Variants in PTPRZ1 observed in about 807,000 individuals in gnomAD.
PTPRZ1 encodes protein tyrosine phosphatase receptor type Z1.
A neutral mutation model predicts 214.1 loss-of-function variants in PTPRZ1; 82 were observed. The ratio of observed to expected loss-of-function variants is 0.38; its 90% CI spans 0.32 to 0.46. The LOEUF (loss-of-function observed/expected upper bound fraction) is 0.46, where lower values mean the gene tolerates loss of function less well. Ranked by LOEUF, PTPRZ1 falls within the 20% of genes least tolerant of loss-of-function variation. The probability of loss-of-function intolerance (pLI) is 1.00; values close to 1 mark genes in which losing one functional copy is unlikely to be tolerated. For synonymous variants in PTPRZ1, 945 were observed against 987.9 expected, an observed-to-expected ratio of 0.96 and a Z score of 0.81; for missense variants, 2,603 against 2,748.7, an observed-to-expected ratio of 0.95 and a Z score of 1.19.
rs779318612 is a variant in PTPRZ1, at chr7:122,013,475, C to T, written c.4429C>T (p.Leu1477=). The T allele has an allele frequency of 1.2e-6, 2 of 1,614,100 alleles. No individual in the cohort carries two copies. The highest frequency in any genetic ancestry group is 1.1e-5 in the South Asian group (1 of 91,080). Residue 1477 remains leucine (L), a synonymous_variant, in exon 12 of 30, where the codon CTA becomes TTA. Coordinates refer to ENST00000393386, the MANE Select transcript of PTPRZ1 (RefSeq NM_002851.3). ...TCAGAATAATCCAATCTCATACTCA[C>T]TATCTGAGAATTCTGAAGAAGATAA... ...MDQNNPISYS[L]SENSEEDNRV...
chr7:121,982,548 C>A (rs1362913503), intron 6 of PTPRZ1, among the ~76,000 whole-genome samples: 1 of 152,078 alleles, frequency 6.6e-6, no homozygotes, highest in Non-Finnish European at 1.5e-5. Flanking sequence ...TTATTTAATT[C>A]TCTCCAGAAT....
Position 122,044,517 on chromosome 7 carries a change from A to C in PTPRZ1, c.6033A>C (p.Ala2011=), listed in dbSNP as rs915349172. Residue 2011 remains alanine, a synonymous_variant, in exon 23 of 30, where the codon GCA becomes GCC. Transcript: ENST00000393386. ...LDSHIHAYVN[A]LLIPGPAGKT... is the part of the protein sequence containing the mutation. ...GTCATATTCATGCCTATGTTAATGC[A>C]CTCCTCATTCCTGGACCAGCAGGCA... 12 of 1,613,842 alleles carry C rather than the reference A, an allele frequency of 7.4e-6. No homozygotes were observed. The highest frequency in any genetic ancestry group is 9.3e-6 in the Non-Finnish European group (11 of 1,179,814).
chr7:122,027,139 A>T (rs942491628), intron 13 of PTPRZ1, among the ~76,000 whole-genome samples: 21 of 152,198 alleles, frequency 1.4e-4, no homozygotes, highest in African/African-American at 4.6e-4. Context: ...ATCAGGGGAA[A>T]ACTCAGAGGG....
At chr7:122,054,683 CAG>C (rs1792296337) in intron 26 of PTPRZ1, among the ~76,000 whole-genome samples, 1 of 152,158 alleles carries the variant, frequency 6.6e-6, no homozygotes, top group African/African-American at 2.4e-5. Context: ...TTGTCAATTA[CAG>C]AAGCAATAAG....
chr7:121,901,471 A>T (rs757897602), intron 1 of PTPRZ1, among the ~76,000 whole-genome samples: 2 of 152,204 alleles, frequency 1.3e-5, no homozygotes, highest in Non-Finnish European at 2.9e-5. Flanking sequence ...TTACACAATT[A>T]CAGAGTTACC....
chr7:121,895,150 CAG>C (rs1794750594), intron 1 of PTPRZ1, among the ~76,000 whole-genome samples: 1 of 152,164 alleles, frequency 6.6e-6, no homozygotes, highest in South Asian at 2.1e-4. Context: ...TCTTCTAAAA[CAG>C]AGGATGTGCC....
chr7:121,890,421 C>T (rs1241930896), intron 1 of PTPRZ1, among the ~76,000 whole-genome samples: 2 of 152,024 alleles, frequency 1.3e-5, no homozygotes, highest in Admixed American at 6.6e-5. Flanking sequence ...TCATGATCTC[C>T]ATCCACTGCT....
intron 13 of PTPRZ1, among the ~76,000 whole-genome samples, chr7:122,020,709 G>A (rs771522124): frequency 6.6e-6 from 1 of 152,128 alleles, no homozygotes; most frequent in Non-Finnish European, 1.5e-5. Context: ...ACACTATGGA[G>A]AACAGATCAT....
At chr7:121,983,490 A>G (rs990189526) in intron 6 of PTPRZ1, among the ~76,000 whole-genome samples, 175 bp from the exon 7 acceptor site, 2 of 152,218 alleles carry the variant, frequency 1.3e-5, no homozygotes, top group Admixed American at 1.3e-4. Context: ...TGACATGTGT[A>G]ATACAATTTG....
chr7:122,052,344 T>C (rs1477387924), intron 25 of PTPRZ1, among the ~76,000 whole-genome samples: 3 of 152,214 alleles, frequency 2.0e-5, no homozygotes, highest in Non-Finnish European at 4.4e-5. Context: ...ATTTTTAGCC[T>C]GCAAACTGGG....
At chr7:122,025,956 G>T (rs1018131644) in intron 13 of PTPRZ1, among the ~76,000 whole-genome samples, 2 of 152,142 alleles carry the variant, frequency 1.3e-5, no homozygotes, top group African/African-American at 4.8e-5. Context: ...CCACAGACAG[G>T]TAGGGTTTAA....
intron 6 of PTPRZ1, among the ~76,000 whole-genome samples, chr7:121,977,307 G>A (rs949784528): frequency 1.3e-5 from 2 of 152,102 alleles, no homozygotes; most frequent in African/African-American, 4.8e-5. Flanking sequence ...ATCAACATGA[G>A]GAGATGAGAT....
At position 121,873,411 on chromosome 7, in the gene PTPRZ1, A is replaced by G. The variant is rs890787541; in HGVS notation, c.-89A>G. 13 of 1,375,142 alleles carry G rather than the reference A, an allele frequency of 9.5e-6. No individual in the cohort carries two copies. The African/African-American group carries it at 1.1e-4, about 12-fold the overall frequency. The allele number at this position is 1,375,142 out of a possible 1,614,324, so 85.2% of individuals were successfully genotyped here. A position where few individuals can be genotyped will look rare whatever the true frequency, so the allele number is the denominator to read the frequency against. ...ATACACTGGAGGATTAAAACAAACA[A>G]ACAAAAAAAACATTTCCTTCGCTCC... On this transcript the variant is annotated 5_prime_UTR_variant, in exon 1 of 30. Coordinates refer to ENST00000393386, the MANE Select transcript of PTPRZ1 (RefSeq NM_002851.3).
chr7:121,926,486 G>T (rs1283720808), intron 1 of PTPRZ1, among the ~76,000 whole-genome samples: 1 of 152,076 alleles, frequency 6.6e-6, no homozygotes, highest in Non-Finnish European at 1.5e-5. Context: ...ATGATGTATT[G>T]ATACATGCTA....
chr7:122,013,555 T>G lies in PTPRZ1; in HGVS notation c.4509T>G (p.Gly1503=). 6.2e-7 allele frequency: 1 copy of G among 1,614,186 alleles called. No homozygotes were observed. The highest frequency in any genetic ancestry group is 8.5e-7 in the Non-Finnish European group (1 of 1,180,034). The change falls in exon 12 of 30, where the codon GGT becomes GGG. Residue 1503 remains glycine (G), a synonymous_variant. Coordinates refer to ENST00000393386, the MANE Select transcript of PTPRZ1 (RefSeq NM_002851.3). Reference sequence around the variant, plus strand: ...AAACTGGTATGGACAGAAGTCCTGGTAAATCACCATCAGCAAATGGGCTAT... The same window carrying G: ...AAACTGGTATGGACAGAAGTCCTGGGAAATCACCATCAGCAAATGGGCTAT... ...DSQTGMDRSP[G]KSPSANGLSQ... is the part of the protein sequence containing the mutation.
chr7:121,908,367 A>C, intron 1 of PTPRZ1: 3 of 264,122 alleles, frequency 1.1e-5, no homozygotes, highest in South Asian at 3.7e-5. Context: ...CCCTTTGGAA[A>C]AGAATATCAA....
At chr7:121,892,706 A>ATATATATATATG in intron 1 of PTPRZ1, among the ~76,000 whole-genome samples, 1 of 126,980 alleles carries the variant, frequency 7.9e-6, no homozygotes, top group Non-Finnish European at 1.7e-5. Context: ...ATATATATAT[A>ATATATATATATG]TATATATATA....
At chr7:121,914,046 G>A (rs1048245875) in intron 1 of PTPRZ1, among the ~76,000 whole-genome samples, 3 of 152,136 alleles carry the variant, frequency 2.0e-5, no homozygotes, top group African/African-American at 7.2e-5. Context: ...TGGTGTGGTG[G>A]CTCATGCCTC....
chr7:122,052,823 T>C (rs972732384), intron 25 of PTPRZ1, among the ~76,000 whole-genome samples: 1 of 152,156 alleles, frequency 6.6e-6, no homozygotes, highest in African/African-American at 2.4e-5. Flanking sequence ...AAATGTAAAC[T>C]CTCCTGTAGA....
Sources: gnomAD v4.1 joint callset for allele counts (sites outside exome capture counted in the v4.1 genomes callset) on GRCh38, gnomAD v4.1.1 for gene constraint, MANE v1.5 for transcripts, NCBI Gene and HGNC (gene_info 2026-07-23, HGNC 2026-07-21) for gene names.